The following BCAR3 variants were observed in gnomAD, a reference collection of about 807,000 sequenced individuals.
BCAR3 encodes breast cancer anti-estrogen resistance protein 3.
In BCAR3, 37 loss-of-function variants were observed where a neutral mutation model predicts 80.1. That is an observed-to-expected ratio of 0.46 (90% confidence interval 0.36 to 0.61). BCAR3 has a LOEUF of 0.61. Ranked by LOEUF, BCAR3 falls within the 20% of genes least tolerant of loss-of-function variation. The pLI is 0.00. For missense variants in BCAR3, 978 were observed against 1,068.2 expected, an observed-to-expected ratio of 0.92 and a Z score of 1.18; for synonymous variants, 389 against 418.9, an observed-to-expected ratio of 0.93 and a Z score of 0.87.
At chr1:93,694,571 T>A (rs1649319525) in intron 3 of BCAR3, among the ~76,000 whole-genome samples, 1 of 152,212 alleles carries the variant, frequency 6.6e-6, no homozygotes, top group Non-Finnish European at 1.5e-5. Context: ...TATAGTCCCC[T>A]TCTCCATACT....
intron 2 of BCAR3, among the ~76,000 whole-genome samples, chr1:93,725,235 A>C (rs1044686917): frequency 6.6e-6 from 1 of 152,206 alleles, no homozygotes; most frequent in Non-Finnish European, 1.5e-5. Context: ...ACCAGTAGGC[A>C]CTCAAAAATA....
chr1:93,736,543 T>C (rs920302600), intron 2 of BCAR3, among the ~76,000 whole-genome samples: 3 of 152,248 alleles, frequency 2.0e-5, no homozygotes, highest in African/African-American at 7.2e-5. Context: ...TACAGAATGG[T>C]AGGTGCCCTC....
At chr1:93,746,737 C>A (rs1651371956) in intron 2 of BCAR3, among the ~76,000 whole-genome samples, 3 of 152,230 alleles carry the variant, frequency 2.0e-5, no homozygotes, top group African/African-American at 7.2e-5. Context: ...TAAAGGTGAT[C>A]CACACTCTGT....
intron 2 of BCAR3, among the ~76,000 whole-genome samples, chr1:93,650,707 G>C (rs1360982602): frequency 1.3e-5 from 2 of 152,284 alleles, no homozygotes; most frequent in East Asian, 3.9e-4. Flanking sequence ...TGTGACCTGT[G>C]TATTAAATCA....
intron 8 of BCAR3, among the ~76,000 whole-genome samples, chr1:93,575,323 A>G (rs1673411081): frequency 6.6e-6 from 1 of 152,232 alleles, no homozygotes; most frequent in African/African-American, 2.4e-5. Context: ...AACTTTTAAA[A>G]AATGTGTCAA....
chr1:93,605,449 A>G (rs1302070155), intron 3 of BCAR3: 2 of 152,252 alleles, frequency 1.3e-5, no homozygotes, highest in East Asian at 1.9e-4. Context: ...TGAAATATTA[A>G]TCGCTGAGTT....
In BCAR3 at chr1:93,562,411, G is replaced by A. The variant is rs1336194393; in HGVS notation, c.2308C>T (p.Pro770Ser). 2.5e-6 allele frequency: 4 copies of A among 1,612,898 alleles called. No individual in the cohort carries two copies. The highest frequency in any genetic ancestry group is 3.4e-6 in the Non-Finnish European group (4 of 1,179,514). ...NAERILAGFQ[P>S]DEEMNEICKT... ...CAGATTTCATTCATTTCTTCATCTGGTTGAAAACCTAATGAAACAAAATAA... is the reference window on the plus strand; with the variant it reads ...CAGATTTCATTCATTTCTTCATCTGATTGAAAACCTAATGAAACAAAATAA... The change falls in exon 12 of 12, where the codon CCA becomes TCA. Residue 770 changes from proline to serine, a missense_variant. Transcript: ENST00000260502.
chr1:93,844,371 C>T (rs1655069120), intron 2 of BCAR3, among the ~76,000 whole-genome samples: 1 of 152,188 alleles, frequency 6.6e-6, no homozygotes. Context: ...TGCTGTCCAG[C>T]GAACTCAAAC....
intron 2 of BCAR3, among the ~76,000 whole-genome samples, chr1:93,816,504 C>G (rs1178572034): frequency 1.3e-5 from 2 of 151,538 alleles, no homozygotes; most frequent in Admixed American, 6.6e-5. Context: ...AACCCCATCT[C>G]TACTAAAAAT....
At chr1:93,732,025 C>G (rs938807420) in intron 2 of BCAR3, among the ~76,000 whole-genome samples, 5 of 152,226 alleles carry the variant, frequency 3.3e-5, no homozygotes, top group South Asian at 2.1e-4. Flanking sequence ...ACCGCGTGGA[C>G]AGCTGACTGT....
At chr1:93,575,464 T>C (rs961060432) in intron 8 of BCAR3, among the ~76,000 whole-genome samples, 3 of 152,180 alleles carry the variant, frequency 2.0e-5, no homozygotes, top group Admixed American at 6.5e-5. Flanking sequence ...TGGCTTTTCA[T>C]GAGAAGAGGG....
At chr1:93,707,801 A>G (rs1337065869) in intron 2 of BCAR3, among the ~76,000 whole-genome samples, 2 of 152,256 alleles carry the variant, frequency 1.3e-5, no homozygotes, top group Non-Finnish European at 2.9e-5. Context: ...TAGATCAAAA[A>G]GAAAACAACG....
rs757736463 is a variant in BCAR3 at position 93,589,309 on chromosome 1, G to A, written c.597C>T (p.Phe199=). ...GTCGCAGAACTGTCCGGTTGATTTT[G>A]AAGTGCTGAGCGAGGTTCTTCCACT... ...TCQWKNLAQH[F]KINRTVLRLS... Residue 199 remains phenylalanine, a synonymous_variant, in exon 5 of 12, where the codon TTC becomes TTT. Coordinates refer to ENST00000260502, the MANE Select transcript of BCAR3 (RefSeq NM_003567.4). The A allele has an allele frequency of 6.2e-6, 10 of 1,614,076 alleles. No individual in the cohort carries two copies. The highest frequency in any genetic ancestry group is 1.1e-5 in the South Asian group (1 of 91,084).
chr1:93,781,583 T>C (rs1055653704), intron 2 of BCAR3, among the ~76,000 whole-genome samples: 2 of 152,214 alleles, frequency 1.3e-5, no homozygotes, highest in Non-Finnish European at 2.9e-5. Context: ...TTACAGATGA[T>C]GAAAACAGGG....
At chr1:93,632,897 T>C (rs1618866) in intron 3 of BCAR3, among the ~76,000 whole-genome samples, 6,999 of 152,122 alleles carry the variant, frequency 0.046, 249 homozygotes, top group East Asian at 0.12. Context: ...CGGGTGCCTA[T>C]AATCCCAGCT....
At chr1:93,661,378 C>T (rs537350881) in intron 2 of BCAR3, among the ~76,000 whole-genome samples, 2 of 151,938 alleles carry the variant, frequency 1.3e-5, no homozygotes, top group Non-Finnish European at 2.9e-5. Flanking sequence ...GTATGGGTTT[C>T]ACCATGTTGA....
intron 3 of BCAR3, among the ~76,000 whole-genome samples, chr1:93,634,619 G>A (rs1397811685): frequency 1.3e-5 from 2 of 151,806 alleles, no homozygotes; most frequent in Non-Finnish European, 1.5e-5. Context: ...TGCTTGAACC[G>A]AGGAAGTGGA....
intron 5 of BCAR3, among the ~76,000 whole-genome samples, chr1:93,584,806 C>T (rs1319266886): frequency 6.6e-6 from 1 of 152,276 alleles, no homozygotes; most frequent in Non-Finnish European, 1.5e-5. Flanking sequence ...GTTATTCCTT[C>T]TGTCCCTTTC....
intron 3 of BCAR3, among the ~76,000 whole-genome samples, chr1:93,695,580 G>T (rs1301120456): frequency 3.9e-5 from 6 of 152,142 alleles, no homozygotes; most frequent in Non-Finnish European, 8.8e-5. Context: ...CAGTTAAGCT[G>T]CTCAAGTTTC....
Sources: allele counts gnomAD v4.1 joint callset (sites outside exome capture counted in the v4.1 genomes callset), GRCh38; gene constraint gnomAD v4.1.1; transcripts MANE v1.5; gene names NCBI Gene and HGNC (gene_info 2026-07-23, HGNC 2026-07-21).